RBFOX2: variants seen among roughly 807,000 people sequenced by gnomAD.
RBFOX2 encodes the protein RNA binding fox-1 homolog 2.
RBFOX2 carries 10 observed loss-of-function variants against 49.1 expected under a neutral mutation model. That is an observed-to-expected ratio of 0.20 (90% CI 0.13 to 0.35). The LOEUF is 0.35. RBFOX2 is among the 10% of genes least tolerant of loss of function. The pLI is 1.00. For missense variants in RBFOX2, 323 were observed against 486.9 expected, an observed-to-expected ratio of 0.66 and a Z score of 3.17; for synonymous variants, 183 against 187.4, an observed-to-expected ratio of 0.98 and a Z score of 0.19.
intron 1 of RBFOX2, among the ~76,000 whole-genome samples, chr22:35,880,390 G>A (rs2045729679): frequency 6.6e-6 from 1 of 152,116 alleles, no homozygotes; most frequent in African/African-American, 2.4e-5. Flanking sequence ...GCTCAGCTTT[G>A]GACATGTCAA....
exon 7 of RBFOX2, chr22:35,761,419 A>G (rs758716761): frequency 4.3e-6 from 7 of 1,614,200 alleles, no homozygotes; most frequent in Non-Finnish European, 5.9e-6. Context: ...TACTACCTGC[A>G]TATAACTCCG....
chr22:35,801,459 T>C lies in RBFOX2; in HGVS notation c.252+8321A>G, dbSNP rs1317200879. Among the ~76,000 whole-genome samples, 7 of 151,966 alleles carry C rather than the reference T, an allele frequency of 4.6e-5. 1 individual carries two copies. Among genetic ancestry groups the C allele is most frequent in the African/African-American group, 1.7e-4 (7 of 41,476 alleles). ...CACACACACACACACTCTCTCTCTC[T>C]CTCTCTCTCCCTCCCCCCGCCAAAA... is the stretch of plus-strand genomic sequence containing the variant. On this transcript the variant is annotated intron_variant, in intron 2 of 11. Transcript: ENST00000405409.
At chr22:35,892,470 T>C (rs1198483130) in intron 1 of RBFOX2, among the ~76,000 whole-genome samples, 4 of 152,178 alleles carry the variant, frequency 2.6e-5, no homozygotes, top group Non-Finnish European at 4.4e-5. Context: ...AGCAAATTAA[T>C]GAGCTGCATC....
At chr22:35,897,116 CT>C (rs970509212) in intron 1 of RBFOX2, among the ~76,000 whole-genome samples, 4 of 151,634 alleles carry the variant, frequency 2.6e-5, no homozygotes, top group African/African-American at 9.7e-5. Flanking sequence ...GACACTCATT[CT>C]TTTTTTTTCT....
chr22:35,746,956 A>G (rs1932955309), intron 9 of RBFOX2: 1 of 158,152 alleles, frequency 6.3e-6, no homozygotes, highest in African/African-American at 2.4e-5. Context: ...AAGTTAAAAT[A>G]TATGAAATCT....
chr22:35,772,810 T>C (rs1276112384), intron 4 of RBFOX2, among the ~76,000 whole-genome samples: 1 of 152,166 alleles, frequency 6.6e-6, no homozygotes, highest in Non-Finnish European at 1.5e-5. Flanking sequence ...CTGTCACCTT[T>C]TTAGTCTGGC....
intron 2 of RBFOX2, among the ~76,000 whole-genome samples, chr22:35,808,147 T>TA (rs1951112794): frequency 6.6e-6 from 1 of 152,230 alleles, no homozygotes; most frequent in Admixed American, 6.5e-5. Context: ...TTGAAACAGT[T>TA]ATTCTGATAG....
At chr22:35,906,139 T>G (rs1036938379) in intron 1 of RBFOX2, among the ~76,000 whole-genome samples, 1 of 152,148 alleles carries the variant, frequency 6.6e-6, no homozygotes, top group African/African-American at 2.4e-5. Context: ...GCATATGTCA[T>G]TAAGTGGAAA....
At position 35,761,272 on chromosome 22, in the gene RBFOX2, C is replaced by T. The variant is rs75881123; in HGVS notation, c.684G>A (p.Val228=). ...GCACTGCTGCATCATTGCCTAGGGA[C>T]ACATCTGCTTGAAAGCTGGATGCTG... The change falls in exon 8 of 12, where the codon GTG becomes GTA. Residue 228 remains valine, a synonymous_variant. Coordinates refer to ENST00000405409, the Ensembl canonical transcript of RBFOX2. 5.6e-4 allele frequency: 907 copies of T among 1,614,102 alleles called. 1 individual carries two copies. Among genetic ancestry groups the T allele is most frequent in the South Asian group, 1.4e-3 (130 of 91,080 alleles).
chr22:35,846,330 T>TTGTGTG (rs35272106), intron 1 of RBFOX2, among the ~76,000 whole-genome samples: 1,962 of 140,430 alleles, frequency 0.014, 15 homozygotes, highest in South Asian at 0.043. Flanking sequence ...ATTTATATAG[T>TTGTGTG]TGTGTGTGTG....
chr22:35,992,444 C>T (rs1334169052), intron 1 of RBFOX2: 1 of 152,142 alleles, frequency 6.6e-6, no homozygotes, highest in East Asian at 1.9e-4. Flanking sequence ...ACTAACAATC[C>T]ATTCATCTAG....
rs1229154617 is a variant in RBFOX2 at position 35,838,684 on chromosome 22, G to A, written c.27+1508C>T. ...GCACAGAGGTTTCCAAAAAAATGGC[G>A]CTAAGGCCGAGAGCATAAAGCAGTA... On this transcript the variant is annotated intron_variant, in intron 1 of 11. Coordinates refer to ENST00000405409, the Ensembl canonical transcript of RBFOX2. 2.0e-5 allele frequency among the ~76,000 whole-genome samples: 3 copies of A among 152,156 alleles called. No homozygotes were observed. In the East Asian group the frequency reaches 5.8e-4, roughly 29 times the overall value.
chr22:35,757,334 T>C (rs1937295927), intron 9 of RBFOX2, among the ~76,000 whole-genome samples: 1 of 151,804 alleles, frequency 6.6e-6, no homozygotes, highest in South Asian at 2.1e-4. Flanking sequence ...CCCCAAAACA[T>C]TATTTTGGGA....
intron 1 of RBFOX2, among the ~76,000 whole-genome samples, chr22:35,821,558 C>T (rs927985105): frequency 1.5e-4 from 20 of 134,918 alleles, no homozygotes; most frequent in Non-Finnish European, 2.8e-4. Flanking sequence ...GCCGAGATTG[C>T]GCCACTGCAC....
At chr22:35,844,352 G>A (rs1463986299), upstream of RBFOX2, among the ~76,000 whole-genome samples, 6 of 152,168 alleles carry the variant, frequency 3.9e-5, no homozygotes, top group African/African-American at 1.4e-4. Flanking sequence ...AAACAATAAT[G>A]CCTTGATTTC....
intron 6 of RBFOX2, among the ~76,000 whole-genome samples, chr22:35,763,907 G>A (rs1000292576): frequency 2.0e-5 from 3 of 152,194 alleles, no homozygotes; most frequent in Non-Finnish European, 2.9e-5. Flanking sequence ...AAACCTAGAA[G>A]GAGAACGTCT....
chr22:35,959,197 T>C (rs1777651205), intron 1 of RBFOX2, among the ~76,000 whole-genome samples: 1 of 152,204 alleles, frequency 6.6e-6, no homozygotes, highest in African/African-American at 2.4e-5. Flanking sequence ...ATAATTGATA[T>C]ACATTATTTC....
intron 1 of RBFOX2, among the ~76,000 whole-genome samples, chr22:35,934,296 G>A (rs1025693206): frequency 3.3e-5 from 5 of 151,916 alleles, no homozygotes; most frequent in Non-Finnish European, 7.4e-5. Flanking sequence ...TAAAGAGTAA[G>A]CATATATTTG....
chr22:35,830,376 A>C (rs1231387568), intron 1 of RBFOX2, among the ~76,000 whole-genome samples: 1 of 152,256 alleles, frequency 6.6e-6, no homozygotes, highest in African/African-American at 2.4e-5. Flanking sequence ...GGTGAAGTCT[A>C]AGCTGAACCT....
Sources: gnomAD v4.1 joint callset for allele counts (sites outside exome capture counted in the v4.1 genomes callset) on GRCh38, gnomAD v4.1.1 for gene constraint, MANE v1.5 for transcripts, NCBI Gene and HGNC (gene_info 2026-07-23, HGNC 2026-07-21) for gene names.